Variants in ENAH observed in about 807,000 individuals in gnomAD.
ENAH encodes the protein protein enabled homolog.
ENAH carries 23 observed loss-of-function variants against 78.7 expected under a neutral mutation model. That is an observed-to-expected ratio of 0.29 (90% CI 0.21 to 0.41). The LOEUF (loss-of-function observed/expected upper bound fraction) is 0.41, where lower values mean the gene tolerates loss of function less well. Among genes scored for constraint, ENAH ranks in the 10% least tolerant of loss-of-function variants. The probability of loss-of-function intolerance (pLI) is 1.00; values close to 1 mark genes in which losing one functional copy is unlikely to be tolerated. For missense variants in ENAH, 544 were observed against 691.0 expected (o/e 0.79, Z 2.39); for synonymous variants, 226 against 241.0 (o/e 0.94, Z 0.58).
intron 1 of ENAH, among the ~76,000 whole-genome samples, chr1:225,623,072 G>T (rs1432084000): frequency 6.6e-6 from 1 of 152,248 alleles, no homozygotes; most frequent in South Asian, 2.1e-4. Flanking sequence ...TTACAGAAAA[G>T]GTTCTGGATT....
rs769768575 is a variant in ENAH at position 225,512,947 on chromosome 1, T to C, written c.1288A>G (p.Thr430Ala). 1 of 1,613,970 alleles carries C rather than the reference T, an allele frequency of 6.2e-7. No homozygotes were observed. The highest frequency in any genetic ancestry group is 1.7e-5 in the Admixed American group (1 of 60,016). Residue 430 changes from threonine (T) to alanine (A), a missense_variant, in exon 8 of 14, where the codon ACA becomes GCA. This residue lies in a region of ENAH where 366 missense variants were observed against 396.1 expected (regional missense o/e 0.92). Transcript: ENST00000366843. ...GVNSASSKTDTGRGNGPLPLG... is the reference protein window; with the variant it reads ...GVNSASSKTDAGRGNGPLPLG... ...GGAAGGGGTCCATTTCCACGGCCTG[T>C]ATCTGTTTTAGATGAGGCGGAGTTC... is the stretch of plus-strand genomic sequence containing the variant.
Position 225,488,747 on chromosome 1 carries a change from A to G in ENAH, c.*9028T>C, listed in dbSNP as rs540997284. ...ACGCACCAAGAACCAAAGTAAAAGA[A>G]TGTCAGCAAAACAGGACCCATCTTT... On this transcript the variant is annotated 3_prime_UTR_variant, in exon 14 of 14. Transcript: ENST00000366843. 1 of 152,348 alleles carries G rather than the reference A, an allele frequency of 6.6e-6. No homozygotes were observed. Among genetic ancestry groups the G allele is most frequent in the Non-Finnish European group, 1.5e-5 (1 of 68,020 alleles). 9.4% of individuals were successfully genotyped at this position (152,348 alleles called of 1,614,324 possible).
At position 225,514,841 on chromosome 1, in the gene ENAH, G is replaced by C. The variant is rs2096405424; in HGVS notation, c.973C>G (p.Gln325Glu). 5 of 1,599,884 alleles carry C rather than the reference G, an allele frequency of 3.1e-6. No individual in the cohort carries two copies. Among genetic ancestry groups the C allele is most frequent in the African/African-American group, 1.4e-5 (1 of 73,970 alleles). ...GGAGGAGGGAGGGCTACTGAAGCCT[G>C]TGCAGGCCCTGGTGGGAGTGGTGGA... ...PPPPLPPGPA[Q>E]ASVALPPPPG... is the part of the protein sequence containing the mutation. The change falls in exon 7 of 14, where the codon CAG becomes GAG. Residue 325 changes from glutamine to glutamate, a missense_variant. Transcript: ENST00000366843.
intron 2 of ENAH, among the ~76,000 whole-genome samples, chr1:225,556,051 TG>T (rs2096665138): frequency 1.3e-5 from 2 of 152,236 alleles, no homozygotes; most frequent in African/African-American, 2.4e-5. Context: ...AGCTGTGGTT[TG>T]TTCATTTTCA....
intron 3 of ENAH, among the ~76,000 whole-genome samples, chr1:225,551,715 T>C (rs1254855917): frequency 6.6e-6 from 1 of 152,232 alleles, no homozygotes; most frequent in East Asian, 1.9e-4. Flanking sequence ...ATATTGATAT[T>C]AGCACCTAAT....
intron 4 of ENAH, among the ~76,000 whole-genome samples, chr1:225,520,922 A>AAGGGAGGGAGGG (rs68163613): frequency 4.1e-4 from 25 of 60,898 alleles, no homozygotes; most frequent in Non-Finnish European, 5.2e-4. Context: ...GGAAGGGAGG[A>AAGGGAGGGAGGG]AGGGAGGGAG....
chr1:225,616,121 T>C (rs1053020921), intron 1 of ENAH, among the ~76,000 whole-genome samples: 1 of 152,184 alleles, frequency 6.6e-6, no homozygotes, highest in Admixed American at 6.5e-5. Context: ...AAACAGATGC[T>C]TGAAGGCAGC....
At chr1:225,583,979 G>A (rs981543289) in intron 1 of ENAH, among the ~76,000 whole-genome samples, 3 of 151,624 alleles carry the variant, frequency 2.0e-5, no homozygotes, top group Non-Finnish European at 2.9e-5. Context: ...ATGGTGAAAC[G>A]CCATCTCCAC....
chr1:225,619,394 A>G (rs1241328485), intron 1 of ENAH, among the ~76,000 whole-genome samples: 1 of 152,100 alleles, frequency 6.6e-6, no homozygotes, highest in Non-Finnish European at 1.5e-5. Context: ...AAATACTAAA[A>G]TTAGCTGGGC....
intron 1 of ENAH, among the ~76,000 whole-genome samples, chr1:225,585,778 G>A (rs996178476): frequency 2.0e-5 from 3 of 151,578 alleles, no homozygotes; most frequent in Non-Finnish European, 4.4e-5. Flanking sequence ...GACAGAGTGA[G>A]ACCCTGTGTA....
rs2096250653 is a variant in ENAH, at chr1:225,496,551, C to A, written c.*1224G>T. 6.6e-6 allele frequency: 1 copy of A among 152,560 alleles called. No individual in the cohort carries two copies. Among genetic ancestry groups the A allele is most frequent in the Admixed American group, 6.5e-5 (1 of 15,268 alleles). The allele number at this position is 152,560 out of a possible 1,614,324, so 9.5% of individuals were successfully genotyped here. ...GGGGGTACCTAGGTAATAATAACTG[C>A]CAAATTCAGTGATCAAACTTTTGAG... On this transcript the variant is annotated 3_prime_UTR_variant, in exon 14 of 14. Coordinates refer to ENST00000366843, the MANE Select transcript of ENAH (RefSeq NM_018212.6).
rs1021808551 is a variant in ENAH at position 225,506,457 on chromosome 1, G to A, written c.1538+1494C>T. On this transcript the variant is annotated intron_variant, in intron 11 of 13. Coordinates refer to ENST00000366843, the MANE Select transcript of ENAH (RefSeq NM_018212.6). The stretch of plus-strand genomic sequence containing the variant: ...CCCACCTTAGCCTCCCAAAGTGCTG[G>A]GATTACAGGCATGAGCCACCACGCC... Among the ~76,000 whole-genome samples the A allele has an allele frequency of 3.3e-5, 5 of 152,138 alleles. No homozygotes were observed. The South Asian group carries it at 6.2e-4, about 19-fold the overall frequency.
intron 3 of ENAH, among the ~76,000 whole-genome samples, chr1:225,543,922 CA>C (rs2096601270): frequency 6.6e-6 from 1 of 152,136 alleles, no homozygotes; most frequent in South Asian, 2.1e-4. Flanking sequence ...CAGGAATGCC[CA>C]ATGTTAACTC....
At chr1:225,517,403 G>C in intron 5 of ENAH, 97 bp from the exon 6 acceptor site, 2 of 1,551,842 alleles carry the variant, frequency 1.3e-6, no homozygotes, top group Non-Finnish European at 1.7e-6. Flanking sequence ...CAGTGTGAGA[G>C]TGATGCGAGG....
chr1:225,572,039 G>A (rs948695394), intron 1 of ENAH, among the ~76,000 whole-genome samples: 7 of 152,270 alleles, frequency 4.6e-5, no homozygotes, highest in Admixed American at 2.0e-4. Flanking sequence ...AGTTGGCTAA[G>A]CAGATGTGGG....
At chr1:225,625,992 T>C (rs147165932) in intron 1 of ENAH, among the ~76,000 whole-genome samples, 110 of 152,346 alleles carry the variant, frequency 7.2e-4, no homozygotes, top group African/African-American at 2.6e-3. Context: ...AGATGCAAGT[T>C]GGACTTTACC....
At chr1:225,558,626 C>T (rs1418634248) in intron 2 of ENAH, among the ~76,000 whole-genome samples, 5 of 95,460 alleles carry the variant, frequency 5.2e-5, no homozygotes, top group Non-Finnish European at 8.0e-5. Flanking sequence ...TTAATTTCTG[C>T]CTTTTTTTTT....
At chr1:225,581,240 GATT>G (rs2096815992) in intron 1 of ENAH, 4 of 975,920 alleles carry the variant, frequency 4.1e-6, no homozygotes, top group Non-Finnish European at 4.9e-6. Context: ...TAACTGAATA[GATT>G]ATTTCACCTG....
chr1:225,533,292 G>A (rs1240967428), intron 3 of ENAH, among the ~76,000 whole-genome samples: 1 of 152,100 alleles, frequency 6.6e-6, no homozygotes, highest in Non-Finnish European at 1.5e-5. Context: ...CAGCAACTAG[G>A]ATCAGGCAAA....
Sources: allele counts gnomAD v4.1 joint callset (sites outside exome capture counted in the v4.1 genomes callset), GRCh38; gene constraint gnomAD v4.1.1; regional missense constraint gnomAD v4.1.1; transcripts MANE v1.5; gene names NCBI Gene and HGNC (gene_info 2026-07-23, HGNC 2026-07-21).